The following CLIP1 variants were observed in gnomAD, a reference collection of about 807,000 sequenced individuals.
CLIP1 encodes CAP-Gly domain-containing linker protein 1.
Under a neutral mutation model 161.6 loss-of-function variants are expected in CLIP1, and 66 were observed. That is an observed-to-expected ratio of 0.41 (90% CI 0.33 to 0.50). The LOEUF (loss-of-function observed/expected upper bound fraction) is 0.50. Ranked by LOEUF, CLIP1 falls within the 20% of genes least tolerant of loss-of-function variation. The pLI, the probability that CLIP1 is intolerant of heterozygous loss-of-function variation, is 0.27. For synonymous variants in CLIP1, 598 were observed against 626.2 expected, an observed-to-expected ratio of 0.96 and a Z score of 0.67; for missense variants, 1,376 against 1,702.0, an observed-to-expected ratio of 0.81 and a Z score of 3.37.
intron 20 of CLIP1, among the ~76,000 whole-genome samples, chr12:122,305,307 T>G (rs1178723394): frequency 6.6e-6 from 1 of 152,186 alleles, no homozygotes; most frequent in Non-Finnish European, 1.5e-5. Flanking sequence ...AGACTATACC[T>G]ATAGTCCCAG....
intron 24 of CLIP1, chr12:122,276,405 C>T (rs1955429689): frequency 2.6e-5 from 33 of 1,287,788 alleles, no homozygotes; most frequent in Non-Finnish European, 3.3e-5. Flanking sequence ...CACACACACA[C>T]GTGTGCACGC....
intron 1 of CLIP1, among the ~76,000 whole-genome samples, chr12:122,417,227 C>T (rs1027346722): frequency 3.9e-5 from 6 of 152,036 alleles, no homozygotes; most frequent in East Asian, 1.9e-4. Flanking sequence ...ACCTGGGAGA[C>T]GGAGGTTGCA....
At position 122,337,879 on chromosome 12, in the gene CLIP1, G is replaced by A. The variant is rs559165115; in HGVS notation, c.2452-1131C>T. On this transcript the variant is annotated intron_variant, in intron 11 of 25. Transcript: ENST00000620786. ...AAATATAAAAAATTAGCCAGGCGTG[G>A]TGGCACGCACCTGTAGTCCCAGCTA... is the stretch of plus-strand genomic sequence containing the variant. Among the ~76,000 whole-genome samples, 6 of 152,098 alleles carry A rather than the reference G, an allele frequency of 3.9e-5. No homozygotes were observed. In the East Asian group the frequency reaches 1.2e-3, roughly 29 times the overall value.
At chr12:122,332,858 A>G (rs59231638) in intron 15 of CLIP1, 129 bp downstream of exon 15, 5 of 693,604 alleles carry the variant, frequency 7.2e-6, no homozygotes, top group African/African-American at 3.6e-5. Context: ...CAATGAGGTA[A>G]TAACAGAAAA....
At chr12:122,416,099 G>GCC (rs1340880206) in intron 1 of CLIP1, among the ~76,000 whole-genome samples, 1 of 151,554 alleles carries the variant, frequency 6.6e-6, no homozygotes, top group Admixed American at 6.6e-5. Flanking sequence ...CTATCTGGGC[G>GCC]TGGTGGCAGG....
intron 11 of CLIP1, among the ~76,000 whole-genome samples, chr12:122,337,445 C>CAAAA (rs1163606204): frequency 5.6e-5 from 4 of 70,946 alleles, no homozygotes; most frequent in African/African-American, 1.6e-4. Flanking sequence ...GACTCTGCCT[C>CAAAA]AAAAAAAAAA....
In CLIP1 at chr12:122,272,933, T is replaced by A. The variant is rs780582171; in HGVS notation, c.4259A>T (p.Glu1420Val). The A allele has an allele frequency of 1.5e-5, 24 of 1,614,100 alleles. No individual in the cohort carries two copies. Among genetic ancestry groups the A allele is most frequent in the Non-Finnish European group, 2.0e-5 (24 of 1,180,052 alleles). The change falls in exon 26 of 26, where the codon GAA (glutamate) becomes GTA (valine). Residue 1420 changes from glutamate to valine, a missense_variant. Around this residue, in one of 6 missense-constraint regions of CLIP1, gnomAD observed 948 missense variants for 1,134.8 expected, o/e 0.84. Coordinates refer to ENST00000620786, the MANE Select transcript of CLIP1 (RefSeq NM_001247997.2). ...CCAGTGTCCAAACATCTCACAGATT[T>A]CACAGTATGGGCGTTCCTCACCCCG... The part of the protein sequence containing the change: ...GSRGEERPYC[E>V]ICEMFGHWAT...
At chr12:122,315,381 T>C (rs1455009082) in intron 19 of CLIP1, among the ~76,000 whole-genome samples, 1 of 152,186 alleles carries the variant, frequency 6.6e-6, no homozygotes, top group Non-Finnish European at 1.5e-5. Context: ...TTTAGGTTAA[T>C]ACGGTTGATA....
intron 20 of CLIP1, among the ~76,000 whole-genome samples, chr12:122,300,596 G>A (rs1173870837): frequency 1.3e-5 from 2 of 151,946 alleles, no homozygotes; most frequent in Non-Finnish European, 2.9e-5. Context: ...AGACGGTCTC[G>A]CTCTGTCACC....
At chr12:122,276,776 T>TC in intron 24 of CLIP1, 2 of 213,394 alleles carry the variant, frequency 9.4e-6, no homozygotes, top group Non-Finnish European at 9.6e-6. Flanking sequence ...AAGTACAGAA[T>TC]AGTTTGCCTT....
At chr12:122,404,917 C>A (rs7977440) in intron 1 of CLIP1, among the ~76,000 whole-genome samples, 145,019 of 147,898 alleles carry the variant, frequency 0.98, 71,118 homozygotes, top group Non-Finnish European at 0.99. Flanking sequence ...AAAAACAAAA[C>A]AAAAAAAAAC....
chr12:122,351,524 C>T (rs1032606340), intron 8 of CLIP1, among the ~76,000 whole-genome samples: 3 of 152,144 alleles, frequency 2.0e-5, no homozygotes, highest in Non-Finnish European at 4.4e-5. Context: ...AAAATGCCCC[C>T]CTTGCTCTTT....
rs926519189 is a variant in CLIP1 at position 122,382,084 on chromosome 12, G to A, written c.-106-1526C>T. 3.3e-5 allele frequency among the ~76,000 whole-genome samples: 5 copies of A among 152,080 alleles called. No individual in the cohort carries two copies. The East Asian group carries it at 7.7e-4, about 23-fold the overall frequency. Reference sequence around the variant, plus strand: ...TCCTAAAAATACAAAAATTATGGCCGGGCGTGGTGGCTCACACCTGTAATC... The same window carrying A: ...TCCTAAAAATACAAAAATTATGGCCAGGCGTGGTGGCTCACACCTGTAATC... On this transcript the variant is annotated intron_variant, in intron 1 of 25. Coordinates refer to ENST00000620786, the MANE Select transcript of CLIP1 (RefSeq NM_001247997.2).
intron 1 of CLIP1, among the ~76,000 whole-genome samples, chr12:122,409,878 T>TA (rs1296897876): frequency 2.0e-5 from 3 of 150,964 alleles, no homozygotes; most frequent in Non-Finnish European, 4.4e-5. Context: ...ATTTTTATTT[T>TA]TTTTTTTTTT....
Position 122,352,114 on chromosome 12 carries a change from G to A in CLIP1, c.1368+612C>T, listed in dbSNP as rs1017120736. ...GACCCATCCCCCAAGCTGGAGTGCA[G>A]TGGCACGATCTCGGCTCACTGCAAC... On this transcript the variant is annotated intron_variant, in intron 8 of 25. Coordinates refer to ENST00000620786, the MANE Select transcript of CLIP1 (RefSeq NM_001247997.2). Among the ~76,000 whole-genome samples, 18 of 148,032 alleles carry A rather than the reference G, an allele frequency of 1.2e-4. No individual in the cohort carries two copies. The South Asian group carries it at 3.4e-3, about 28-fold the overall frequency.
chr12:122,335,801 T>G (rs2136297077), intron 12 of CLIP1, among the ~76,000 whole-genome samples: 1 of 150,064 alleles, frequency 6.7e-6, no homozygotes, highest in East Asian at 1.9e-4. Flanking sequence ...AACAAGACTC[T>G]GTCTCAAAAA....
At position 122,393,912 on chromosome 12, in the gene CLIP1, C is replaced by CAAAAAAAAAAAAAAAAAAAAAA. The variant is rs71082981; in HGVS notation, c.-106-13355_-106-13354insTTTTTTTTTTTTTTTTTTTTTT. 1.6e-4 allele frequency among the ~76,000 whole-genome samples: 10 copies of CAAAAAAAAAAAAAAAAAAAAAA among 63,194 alleles called. 1 individual carries two copies. Among genetic ancestry groups the CAAAAAAAAAAAAAAAAAAAAAA allele is most frequent in the South Asian group, 8.6e-4 (1 of 1,168 alleles). The allele number at this position is 63,194 out of a possible 152,430, so 41.5% of individuals were successfully genotyped here. A position where few individuals can be genotyped will look rare whatever the true frequency, so the allele number is the denominator to read the frequency against. ...GGGTGACAGAGTGAGATTCTGTCTCCAAAAAAAAAAAAAAAAAAGATTCTA... is the reference window on the plus strand; with the variant it reads ...GGGTGACAGAGTGAGATTCTGTCTCCAAAAAAAAAAAAAAAAAAAAAAAAAAAAAAAAAAAAAAAAGATTCTA... On this transcript the variant is annotated intron_variant, in intron 1 of 25. Coordinates refer to ENST00000620786, the MANE Select transcript of CLIP1 (RefSeq NM_001247997.2).
rs139756199 is a variant in CLIP1, at chr12:122,341,127, C to T, written c.2077G>A (p.Glu693Lys). 6.5e-4 allele frequency: 1,044 copies of T among 1,614,174 alleles called. 10 individuals are homozygous for T. Among genetic ancestry groups the T allele is most frequent in the Admixed American group, 4.5e-4 (27 of 60,006 alleles). ...SERAAHAKEM[E>K]ALRAKLMKVI... ...TTCATCAGTTTAGCCCTCAAGGCTT[C>T]CATCTCTTTAGCATGGGCAGCCCGT... The change falls in exon 11 of 26, where the codon GAA (glutamate) becomes AAA (lysine). Residue 693 changes from glutamate to lysine, a missense_variant. By Grantham distance (56) the Glu-to-Lys change is moderately conservative. Coordinates refer to ENST00000620786, the MANE Select transcript of CLIP1 (RefSeq NM_001247997.2).
chr12:122,324,724 T>C (rs1019823647), intron 17 of CLIP1, among the ~76,000 whole-genome samples: 4 of 152,172 alleles, frequency 2.6e-5, no homozygotes, highest in Non-Finnish European at 5.9e-5. Context: ...ATCAAATTAC[T>C]TTGAAAGCAG....
Sources: gnomAD v4.1 joint callset for allele counts (sites outside exome capture counted in the v4.1 genomes callset) on GRCh38, gnomAD v4.1.1 for gene constraint, gnomAD v4.1.1 regional missense constraint, MANE v1.5 for transcripts, NCBI Gene and HGNC (gene_info 2026-07-23, HGNC 2026-07-21) for gene names.